Variants in FOXD2 observed in about 807,000 individuals in gnomAD.
FOXD2 encodes forkhead box protein D2.
In FOXD2, 4 loss-of-function variants were observed where a neutral mutation model predicts 6.4. That is an observed-to-expected ratio of 0.62 (90% CI 0.31 to 1.42). The LOEUF (loss-of-function observed/expected upper bound fraction) is 1.42, where lower values mean the gene tolerates loss of function less well. Among genes scored for constraint, FOXD2 ranks in the 40% most tolerant of loss-of-function variants. The pLI, the probability that FOXD2 is intolerant of heterozygous loss-of-function variation, is 0.08. For missense variants in FOXD2, 709 were observed against 766.8 expected (o/e 0.92, Z 0.89); for synonymous variants, 393 against 373.6 (o/e 1.05, Z -0.60).
At position 47,438,563 on chromosome 1, in the gene FOXD2, G is replaced by A; in HGVS notation, c.428G>A (p.Ser143Asn). 1 of 1,613,738 alleles carries A rather than the reference G, an allele frequency of 6.2e-7. No homozygotes were observed. The highest frequency in any genetic ancestry group is 8.5e-7 in the Non-Finnish European group (1 of 1,179,884). ...CTCATCACCATGGCCATCCTGCAGA[G>A]CCCCAAGAAGCGGCTGACGTTGAGC... ...IALITMAILQ[S>N]PKKRLTLSEI... The change falls in exon 1 of 1, where the codon AGC (serine) becomes AAC (asparagine). Residue 143 changes from serine to asparagine, a missense_variant. By Grantham distance (46) the Ser-to-Asn change is conservative. Coordinates refer to ENST00000334793, the MANE Select transcript of FOXD2 (RefSeq NM_004474.4).
chr1:47,438,100 G>T lies in FOXD2; in HGVS notation c.-36G>T. 1.5e-6 allele frequency: 2 copies of T among 1,377,404 alleles called. No individual in the cohort carries two copies. Among genetic ancestry groups the T allele is most frequent in the South Asian group, 1.6e-5 (1 of 61,094 alleles). The allele number at this position is 1,377,404 out of a possible 1,614,324, so 85.3% of individuals were successfully genotyped here. A position where few individuals can be genotyped will look rare whatever the true frequency, so the allele number is the denominator to read the frequency against. The stretch of plus-strand genomic sequence containing the variant: ...CCGAGCCCGAGCCGCTGCCGGAGCG[G>T]AGCCGGAGAGTGGCGGCGGCGGCGG... On this transcript the variant is annotated 5_prime_UTR_variant, in exon 1 of 1. Transcript: ENST00000334793.
Position 47,439,126 on chromosome 1 carries a change from G to A in FOXD2, c.991G>A (p.Ala331Thr), listed in dbSNP as rs1419253073. The change falls in exon 1 of 1, where the codon GCG (alanine) becomes ACG (threonine). Residue 331 changes from alanine (A) to threonine (T), a missense_variant. By Grantham distance (58) the Ala-to-Thr change is moderately conservative. Transcript: ENST00000334793. ...GPPTASVFAGAGSAPAPAPAS... is the reference protein window; with the variant it reads ...GPPTASVFAGTGSAPAPAPAS... The stretch of plus-strand genomic sequence containing the variant: ...TCCGACGGCCTCGGTGTTCGCAGGC[G>A]CGGGATCGGCCCCAGCTCCTGCGCC... 5 of 1,459,704 alleles carry A rather than the reference G, an allele frequency of 3.4e-6. No individual in the cohort carries two copies. The highest frequency in any genetic ancestry group is 4.5e-6 in the Non-Finnish European group (5 of 1,111,474). The allele number at this position is 1,459,704 out of a possible 1,614,324, so 90.4% of individuals were successfully genotyped here.
Position 47,438,159 on chromosome 1 carries a change from C to A in FOXD2, c.24C>A (p.Cys8Ter). The A allele has an allele frequency of 3.4e-6, 5 of 1,463,660 alleles. No homozygotes were observed. Among genetic ancestry groups the A allele is most frequent in the East Asian group, 3.0e-5 (1 of 33,328 alleles). The allele number at this position is 1,463,660 out of a possible 1,614,324, so 90.7% of individuals were successfully genotyped here. Residue 8 changes from cysteine to a stop codon, truncating the protein, a stop_gained, in exon 1 of 1, where the codon TGC becomes TGA. Coordinates refer to ENST00000334793, the MANE Select transcript of FOXD2 (RefSeq NM_004474.4). LOFTEE classifies it low-confidence loss of function (END_TRUNC). The stretch of plus-strand genomic sequence containing the variant: ...CCATGACCCTGGGCAGCTGCTGCTG[C>A]GAGATCATGTCCTCCGAGAGCTCCC... MTLGSCCCEIMSSESSPA... is the reference protein window; with the variant it reads MTLGSCC
Position 47,439,031 on chromosome 1 carries a change from C to T in FOXD2, c.896C>T (p.Ala299Val), listed in dbSNP as rs1646991837. ...HPHPHAFAFA[A>V]AAAAAPCQLS... ...CACCCGCACGCCTTCGCTTTCGCCG[C>T]GGCAGCCGCCGCCGCTCCTTGCCAG... Residue 299 changes from alanine (A) to valine (V), a missense_variant, in exon 1 of 1, where the codon GCG (alanine) becomes GTG (valine). Physicochemically the swap from Ala to Val is moderately conservative, Grantham distance 64. Transcript: ENST00000334793. 1 of 1,439,176 alleles carries T rather than the reference C, an allele frequency of 6.9e-7. No individual in the cohort carries two copies. Among genetic ancestry groups the T allele is most frequent in the Non-Finnish European group, 9.1e-7 (1 of 1,101,310 alleles). The allele number at this position is 1,439,176 out of a possible 1,614,324, so 89.2% of individuals were successfully genotyped here.
rs1373536680 is a variant in FOXD2, at chr1:47,438,960, G to A, written c.825G>A (p.Pro275=). ...AYGYGYGLAL[P]AYGAPPPGPA... is the part of the protein sequence containing the mutation. ...GCTACGGCTACGGGCTGGCTCTCCC[G>A]GCCTACGGCGCACCCCCGCCGGGGC... Residue 275 remains proline (P), a synonymous_variant, in exon 1 of 1, where the codon CCG becomes CCA. Coordinates refer to ENST00000334793, the MANE Select transcript of FOXD2 (RefSeq NM_004474.4). 6 of 1,491,630 alleles carry A rather than the reference G, an allele frequency of 4.0e-6. No homozygotes were observed. The African/African-American group carries it at 7.4e-5, about 18-fold the overall frequency. 92.4% of individuals were successfully genotyped at this position (1,491,630 alleles called of 1,614,324 possible). A position where few individuals can be genotyped will look rare whatever the true frequency, so the allele number is the denominator to read the frequency against.
At position 47,438,916 on chromosome 1, in the gene FOXD2, G is replaced by T; in HGVS notation, c.781G>T (p.Ala261Ser). The part of the protein sequence containing the change: ...GDPGAFLPGF[A>S]AYGAYGYGYG... ...TCCCGGCGCTTTCCTGCCCGGCTTC[G>T]CTGCCTACGGCGCCTACGGCTACGG... The change falls in exon 1 of 1, where the codon GCT becomes TCT. Residue 261 changes from alanine to serine, a missense_variant. This residue lies in a region of FOXD2 where 98 missense variants were observed against 91.0 expected (regional missense o/e 1.08). Transcript: ENST00000334793. The T allele has an allele frequency of 6.5e-7, 1 of 1,538,098 alleles. No homozygotes were observed. Among genetic ancestry groups the T allele is most frequent in the Non-Finnish European group, 8.7e-7 (1 of 1,143,440 alleles).
chr1:47,438,889 G>C lies in FOXD2; in HGVS notation c.754G>C (p.Asp252His), dbSNP rs534331766. 2.6e-5 allele frequency: 41 copies of C among 1,562,194 alleles called. 1 individual carries two copies. In the East Asian group the frequency reaches 6.5e-4, roughly 25 times the overall value. ...GCGTGGCGGGGCCGCGGCGGCGGGG[G>C]ATCCCGGCGCTTTCCTGCCCGGCTT... ...LLRGGAAAAG[D>H]PGAFLPGFAA... Residue 252 changes from aspartate (D) to histidine (H), a missense_variant, in exon 1 of 1, where the codon GAT (aspartate) becomes CAT (histidine). This residue lies in a region of FOXD2 where 98 missense variants were observed against 91.0 expected (regional missense o/e 1.08). Coordinates refer to ENST00000334793, the MANE Select transcript of FOXD2 (RefSeq NM_004474.4).
chr1:47,439,347 C>A lies in FOXD2; in HGVS notation c.1212C>A (p.Ala404=). 6.7e-7 allele frequency: 1 copy of A among 1,490,710 alleles called. No individual in the cohort carries two copies. The highest frequency in any genetic ancestry group is 2.6e-5 in the East Asian group (1 of 38,634). 92.3% of individuals were successfully genotyped at this position (1,490,710 alleles called of 1,614,324 possible). The change falls in exon 1 of 1, where the codon GCC becomes GCA. Residue 404 remains alanine (A), a synonymous_variant. Coordinates refer to ENST00000334793, the MANE Select transcript of FOXD2 (RefSeq NM_004474.4). ...GCGGTGGTGCAGGCGGCGGGGGCGC[C>A]GGGGCAGGGCAGAGGCCTTCCTTCT... ...DAGGGAGGGG[A]GAGQRPSFSI... is the part of the protein sequence containing the mutation.
Position 47,439,029 on chromosome 1 carries a change from C to CGCG in FOXD2, c.897_899dup (p.Ala304dup). Reference sequence around the variant, plus strand: ...CGCACCCGCACGCCTTCGCTTTCGCCGCGGCAGCCGCCGCCGCTCCTTGCC... The same window carrying CGCG: ...CGCACCCGCACGCCTTCGCTTTCGCCGCGGCGGCAGCCGCCGCCGCTCCTTGCC... On this transcript the variant is annotated inframe_insertion, in exon 1 of 1. Transcript: ENST00000334793. The CGCG allele has an allele frequency of 7.0e-7, 1 of 1,436,984 alleles. No individual in the cohort carries two copies. Among genetic ancestry groups the CGCG allele is most frequent in the Non-Finnish European group, 9.1e-7 (1 of 1,100,016 alleles). The allele number at this position is 1,436,984 out of a possible 1,614,324, so 89.0% of individuals were successfully genotyped here. A position where few individuals can be genotyped will look rare whatever the true frequency, so the allele number is the denominator to read the frequency against.
rs759919892 is a variant in FOXD2, at chr1:47,439,426, G to A, written c.1291G>A (p.Gly431Ser). ...GGGGAAPPGAGEGSPGPPFAA... is the reference protein window; with the variant it reads ...GGGGAAPPGASEGSPGPPFAA... Reference sequence around the variant, plus strand: ...CGGCGGGGCAGCACCCCCGGGCGCCGGCGAGGGCTCTCCGGGACCGCCATT... The same window carrying A: ...CGGCGGGGCAGCACCCCCGGGCGCCAGCGAGGGCTCTCCGGGACCGCCATT... Residue 431 changes from glycine to serine, a missense_variant, in exon 1 of 1, where the codon GGC becomes AGC. Gly to Ser is a moderately conservative substitution (Grantham distance 56, BLOSUM62 0). Around this residue, in one of 5 missense-constraint regions of FOXD2, gnomAD observed 322 missense variants for 313.8 expected, o/e 1.03. Transcript: ENST00000334793. 2.0e-5 allele frequency: 31 copies of A among 1,539,810 alleles called. No individual in the cohort carries two copies. Among genetic ancestry groups the A allele is most frequent in the Non-Finnish European group, 2.7e-5 (31 of 1,149,540 alleles).
Position 47,438,210 on chromosome 1 carries a change from A to C in FOXD2, c.75A>C (p.Ala25=). Residue 25 remains alanine, a synonymous_variant, in exon 1 of 1, where the codon GCA becomes GCC. Transcript: ENST00000334793. Reference sequence around the variant, plus strand: ...CGGCCGCGCTGTCCGAGGCCGACGCAGACATAGACGTGGTGGGCGGCGGCA... The same window carrying C: ...CGGCCGCGCTGTCCGAGGCCGACGCCGACATAGACGTGGTGGGCGGCGGCA... ...SSPAALSEAD[A]DIDVVGGGSG... 6.9e-7 allele frequency: 1 copy of C among 1,448,750 alleles called. No individual in the cohort carries two copies. Among genetic ancestry groups the C allele is most frequent in the African/African-American group, 1.5e-5 (1 of 67,594 alleles). 89.7% of individuals were successfully genotyped at this position (1,448,750 alleles called of 1,614,324 possible).
chr1:47,439,335 C>A lies in FOXD2; in HGVS notation c.1200C>A (p.Gly400=). The change falls in exon 1 of 1, where the codon GGC becomes GGA. Residue 400 remains glycine (G), a synonymous_variant. Transcript: ENST00000334793. Reference sequence around the variant, plus strand: ...AGACGGACGCGGGCGGTGGTGCAGGCGGCGGGGGCGCCGGGGCAGGGCAGA... The same window carrying A: ...AGACGGACGCGGGCGGTGGTGCAGGAGGCGGGGGCGCCGGGGCAGGGCAGA... ...GLKTDAGGGA[G]GGGAGAGQRP... is the part of the protein sequence containing the mutation. The A allele has an allele frequency of 6.7e-7, 1 of 1,481,902 alleles. No homozygotes were observed. Among genetic ancestry groups the A allele is most frequent in the Non-Finnish European group, 8.9e-7 (1 of 1,129,704 alleles). 91.8% of individuals were successfully genotyped at this position (1,481,902 alleles called of 1,614,324 possible).
At position 47,439,657 on chromosome 1, in the gene FOXD2, T is replaced by A; in HGVS notation, c.*34T>A. 1 of 1,520,364 alleles carries A rather than the reference T, an allele frequency of 6.6e-7. No individual in the cohort carries two copies. Among genetic ancestry groups the A allele is most frequent in the Non-Finnish European group, 8.9e-7 (1 of 1,129,616 alleles). The allele number at this position is 1,520,364 out of a possible 1,614,324, so 94.2% of individuals were successfully genotyped here. ...GGCCCAGGGCCGGTTAGGTCCGCACTCCTCAGCCTCTCCCGGGAGTTCCTG... is the reference window on the plus strand; with the variant it reads ...GGCCCAGGGCCGGTTAGGTCCGCACACCTCAGCCTCTCCCGGGAGTTCCTG... On this transcript the variant is annotated 3_prime_UTR_variant, in exon 1 of 1. Transcript: ENST00000334793.
chr1:47,439,537 C>G lies in FOXD2; in HGVS notation c.1402C>G (p.Arg468Gly). Residue 468 changes from arginine to glycine, a missense_variant, in exon 1 of 1, where the codon CGC becomes GGC. This residue lies in a region of FOXD2 where 322 missense variants were observed against 313.8 expected (regional missense o/e 1.03). Transcript: ENST00000334793. The stretch of plus-strand genomic sequence containing the variant: ...CCTGGCTCCCGTTGCTGGCCACATT[C>G]GCCTCTCGCATCCCGGGGACGCGCT... The part of the protein sequence containing the change: ...PALAPVAGHI[R>G]LSHPGDALLS... 3.2e-6 allele frequency: 5 copies of G among 1,553,244 alleles called. No homozygotes were observed. The highest frequency in any genetic ancestry group is 1.4e-5 in the African/African-American group (1 of 73,340).
In FOXD2 at chr1:47,439,498, C is replaced by G; in HGVS notation, c.1363C>G (p.Leu455Val). 6.4e-7 allele frequency: 1 copy of G among 1,550,818 alleles called. No individual in the cohort carries two copies. Among genetic ancestry groups the G allele is most frequent in the South Asian group, 1.2e-5 (1 of 84,252 alleles). The change falls in exon 1 of 1, where the codon CTG (leucine) becomes GTG (valine). Residue 455 changes from leucine (L) to valine (V), a missense_variant. Physicochemically the swap from Leu to Val is conservative, Grantham distance 32. This residue lies in a region of FOXD2 where 322 missense variants were observed against 313.8 expected (regional missense o/e 1.03). Transcript: ENST00000334793. ...GGGCCAAGCCCAGGTCTTGGCCATG[C>G]TGACTGCTCCGGCCCTGGCTCCCGT... The part of the protein sequence containing the change: ...PGGQAQVLAM[L>V]TAPALAPVAG...
At position 47,438,082 on chromosome 1, in the gene FOXD2, C is replaced by A. The variant is rs895631777; in HGVS notation, c.-54C>A. On this transcript the variant is annotated 5_prime_UTR_variant, in exon 1 of 1. Coordinates refer to ENST00000334793, the MANE Select transcript of FOXD2 (RefSeq NM_004474.4). ...GCCCCAGAGGCAGCGCGGCCGAGCCCGAGCCGCTGCCGGAGCGGAGCCGGA... is the reference window on the plus strand; with the variant it reads ...GCCCCAGAGGCAGCGCGGCCGAGCCAGAGCCGCTGCCGGAGCGGAGCCGGA... 3 of 1,329,128 alleles carry A rather than the reference C, an allele frequency of 2.3e-6. No homozygotes were observed. Among genetic ancestry groups the A allele is most frequent in the Non-Finnish European group, 2.9e-6 (3 of 1,045,308 alleles). 82.3% of individuals were successfully genotyped at this position (1,329,128 alleles called of 1,614,324 possible).
Position 47,439,172 on chromosome 1 carries a change from G to A in FOXD2, c.1037G>A (p.Gly346Asp), listed in dbSNP as rs1646993386. 2.8e-6 allele frequency: 4 copies of A among 1,440,610 alleles called. No individual in the cohort carries two copies. The highest frequency in any genetic ancestry group is 3.6e-6 in the Non-Finnish European group (4 of 1,106,576). 89.2% of individuals were successfully genotyped at this position (1,440,610 alleles called of 1,614,324 possible). The change falls in exon 1 of 1, where the codon GGC becomes GAC. Residue 346 changes from glycine (G) to aspartate (D), a missense_variant. By Grantham distance (94) the Gly-to-Asp change is moderately conservative. Transcript: ENST00000334793. ...APAPASGSGP[G>D]PGPAGLPAFL... ...GCGCCTGCCTCAGGCTCGGGCCCGG[G>A]CCCGGGCCCCGCAGGCCTGCCCGCC... is the stretch of plus-strand genomic sequence containing the variant.
rs1312474285 is a variant in FOXD2, at chr1:47,438,100, G to A, written c.-36G>A. 33 of 1,377,294 alleles carry A rather than the reference G, an allele frequency of 2.4e-5. No homozygotes were observed. The highest frequency in any genetic ancestry group is 3.0e-5 in the Non-Finnish European group (32 of 1,070,484). The allele number at this position is 1,377,294 out of a possible 1,614,324, so 85.3% of individuals were successfully genotyped here. ...CCGAGCCCGAGCCGCTGCCGGAGCG[G>A]AGCCGGAGAGTGGCGGCGGCGGCGG... On this transcript the variant is annotated 5_prime_UTR_variant, in exon 1 of 1. Coordinates refer to ENST00000334793, the MANE Select transcript of FOXD2 (RefSeq NM_004474.4).
chr1:47,440,110 CTTTTTTT>C lies in FOXD2; in HGVS notation c.*504_*510del, dbSNP rs538530699. On this transcript the variant is annotated 3_prime_UTR_variant, in exon 1 of 1. Transcript: ENST00000334793. ...TTTGTGCTTAAAAGAAAAATTCAAC[CTTTTTTT>C]TTTTTTTTTTTTTTTTGCTGTTCTC... 8.3e-4 allele frequency: 95 copies of C among 114,818 alleles called. No homozygotes were observed. Among genetic ancestry groups the C allele is most frequent in the African/African-American group, 3.6e-3 (86 of 23,664 alleles). 7.1% of individuals were successfully genotyped at this position (114,818 alleles called of 1,614,324 possible). A position where few individuals can be genotyped will look rare whatever the true frequency, so the allele number is the denominator to read the frequency against.
Sources: gnomAD v4.1 joint callset for allele counts on GRCh38, gnomAD v4.1.1 for gene constraint, gnomAD v4.1.1 regional missense constraint, MANE v1.5 for transcripts, NCBI Gene and HGNC (gene_info 2026-07-23, HGNC 2026-07-21) for gene names.